The following GLI3 variants were observed in gnomAD, a reference collection of about 807,000 sequenced individuals.
GLI3 encodes the protein GLI family zinc finger 3, also known as transcription activator GLI3.
In GLI3, 20 loss-of-function variants were observed where a neutral mutation model predicts 100.8. The ratio of observed to expected loss-of-function variants is 0.20; its 90% CI spans 0.14 to 0.29. The LOEUF (loss-of-function observed/expected upper bound fraction) is 0.29. Among genes scored for constraint, GLI3 ranks in the 10% least tolerant of loss-of-function variants. The pLI, the probability that GLI3 is intolerant of heterozygous loss-of-function variation, is 1.00. For synonymous variants in GLI3, 938 were observed against 860.5 expected (o/e 1.09, Z -1.58); for missense variants, 2,040 against 2,128.5 (o/e 0.96, Z 0.82).
chr7:42,172,237 A>G (rs927403575), intron 2 of GLI3, among the ~76,000 whole-genome samples: 20 of 151,774 alleles, frequency 1.3e-4, no homozygotes, highest in Non-Finnish European at 1.5e-5. Flanking sequence ...TTCACTTGGG[A>G]ACATAAAACA....
intron 1 of GLI3, among the ~76,000 whole-genome samples, chr7:42,261,334 C>T (rs1229514628): frequency 1.3e-5 from 2 of 152,106 alleles, no homozygotes; most frequent in African/African-American, 2.4e-5. Context: ...ATGAGGGACC[C>T]ACCCCCATAG....
intron 3 of GLI3, chr7:42,113,706 C>T: frequency 1.4e-6 from 1 of 692,268 alleles, no homozygotes; most frequent in Non-Finnish European, 2.6e-6. Context: ...TATAAAAATG[C>T]AGAATTTTGT....
intron 3 of GLI3, among the ~76,000 whole-genome samples, chr7:42,088,734 T>C (rs1458192139): frequency 1.3e-5 from 2 of 152,204 alleles, no homozygotes; most frequent in Non-Finnish European, 2.9e-5. Context: ...GGGAGGATGA[T>C]AGGCTTGGGG....
intron 2 of GLI3, chr7:42,151,584 T>A (rs1583602057): frequency 6.6e-6 from 1 of 152,210 alleles, no homozygotes; most frequent in African/African-American, 2.4e-5. Flanking sequence ...TCCAAGAGCA[T>A]CTGCCAATGG....
rs117595143 is a variant in GLI3, at chr7:42,040,608, T to C, written c.827-369A>G. 7.2e-3 allele frequency among the ~76,000 whole-genome samples: 1,097 copies of C among 152,278 alleles called. 7 individuals are homozygous for C. The highest frequency in any genetic ancestry group is 0.012 in the Admixed American group (186 of 15,298). ...GCGACAAAGACAGTGGTTCCCACAA[T>C]GGCAACATACCACCCTCCCCACCCC... On this transcript the variant is annotated intron_variant, in intron 6 of 14. Transcript: ENST00000395925.
intron 10 of GLI3, among the ~76,000 whole-genome samples, chr7:41,980,494 T>C (rs1787631745): frequency 1.3e-5 from 2 of 152,104 alleles, no homozygotes; most frequent in South Asian, 4.1e-4. Flanking sequence ...AAAGAAATGA[T>C]CATACAAAAA....
chr7:42,246,848 C>T (rs1788981741), intron 1 of GLI3, among the ~76,000 whole-genome samples: 1 of 106,952 alleles, frequency 9.3e-6, no homozygotes, highest in Admixed American at 1.2e-4. Context: ...GGACGATATC[C>T]TTTCTGCTGG....
intron 2 of GLI3, among the ~76,000 whole-genome samples, chr7:42,175,652 A>G (rs1183819978): frequency 6.6e-6 from 1 of 151,796 alleles, no homozygotes; most frequent in Non-Finnish European, 1.5e-5. Flanking sequence ...AGTCTCTCTT[A>G]CAAAACTTTT....
chr7:42,256,458 A>C (rs1245330774), intron 1 of GLI3, among the ~76,000 whole-genome samples: 1 of 152,164 alleles, frequency 6.6e-6, no homozygotes, highest in Non-Finnish European at 1.5e-5. Context: ...TAATTTCTGC[A>C]TATGATGTGA....
At chr7:42,263,374 CTG>C (rs1266585643) in intron 1 of GLI3, among the ~76,000 whole-genome samples, 1 of 152,184 alleles carries the variant, frequency 6.6e-6, no homozygotes. Context: ...TTGAAAGACA[CTG>C]TGGGTCAATG....
chr7:42,100,573 A>C (rs1785438373), intron 3 of GLI3, among the ~76,000 whole-genome samples: 1 of 142,662 alleles, frequency 7.0e-6, no homozygotes, highest in South Asian at 2.1e-4. Flanking sequence ...CCGTCTCTAC[A>C]AACATAAAAA....
intron 3 of GLI3, among the ~76,000 whole-genome samples, chr7:42,091,032 G>A (rs761274562): frequency 1.3e-5 from 2 of 152,238 alleles, no homozygotes; most frequent in Non-Finnish European, 2.9e-5. Flanking sequence ...ACCCAGGCAT[G>A]GGGCCTGTGC....
Position 41,966,485 on chromosome 7 carries a change from C to T in GLI3, c.2588G>A (p.Arg863His), listed in dbSNP as rs1270096533. The change falls in exon 15 of 15, where the codon CGC becomes CAC. Residue 863 changes from arginine (R) to histidine (H), a missense_variant. By Grantham distance (29) the Arg-to-His change is conservative. This residue lies in a region of GLI3 where 327 missense variants were observed against 338.7 expected (regional missense o/e 0.97). Transcript: ENST00000395925. The surrounding 1 kb of genome is among the most constrained non-coding windows in gnomAD (Gnocchi z 5.8). ...TISSAYLSSR[R>H]SSGISPCFSS... is the part of the protein sequence containing the mutation. ...GAAGCAGGGCGAGATCCCTGAGGAG[C>T]GGCGGCTGCTCAGGTAGGCCGAGCT... 4 of 1,612,702 alleles carry T rather than the reference C, an allele frequency of 2.5e-6. No homozygotes were observed. Among genetic ancestry groups the T allele is most frequent in the Non-Finnish European group, 3.4e-6 (4 of 1,179,766 alleles).
Position 41,978,700 on chromosome 7 carries a change from T to C in GLI3, c.1546A>G (p.Arg516Gly). ...TGCTCTCTTGAGCAGTCCAGCCACC[T>C]GCACACGAACTCCTTCTTCTCTCCA... is the stretch of plus-strand genomic sequence containing the variant. ...IHGEKKEFVC[R>G]WLDCSREQKP... The change falls in exon 11 of 15, where the codon AGG (arginine) becomes GGG (glycine). Residue 516 changes from arginine to glycine, a missense_variant. Arg to Gly is a moderately radical substitution (Grantham distance 125). This residue lies in a region of GLI3 where 603 missense variants were observed against 690.9 expected (regional missense o/e 0.87). Transcript: ENST00000395925. The C allele has an allele frequency of 6.2e-7, 1 of 1,613,908 alleles. No individual in the cohort carries two copies. Among genetic ancestry groups the C allele is most frequent in the Non-Finnish European group, 8.5e-7 (1 of 1,179,732 alleles).
intron 1 of GLI3, among the ~76,000 whole-genome samples, chr7:42,231,682 TCTA>T (rs2128705791): frequency 6.6e-6 from 1 of 152,364 alleles, no homozygotes; most frequent in Non-Finnish European, 1.5e-5. Context: ...ATGAAATTTC[TCTA>T]CACACTGCTA....
chr7:42,118,471 G>A (rs1476789078), intron 3 of GLI3: 2 of 395,344 alleles, frequency 5.1e-6, no homozygotes, highest in East Asian at 7.2e-5. Flanking sequence ...AGCAACTAGA[G>A]ACCCCTAGCC....
At chr7:42,180,194 G>C (rs1466312224) in intron 2 of GLI3, among the ~76,000 whole-genome samples, 2 of 152,190 alleles carry the variant, frequency 1.3e-5, no homozygotes, top group African/African-American at 4.8e-5. Flanking sequence ...TGCAGAGACT[G>C]TGCCAGGTGG....
At chr7:42,218,985 T>G (rs1234329375) in intron 2 of GLI3, among the ~76,000 whole-genome samples, 1 of 152,150 alleles carries the variant, frequency 6.6e-6, no homozygotes, top group Non-Finnish European at 1.5e-5. Flanking sequence ...TATAAGAGAA[T>G]GAGAACATGT....
chr7:42,215,391 G>A (rs1439441512), intron 2 of GLI3, among the ~76,000 whole-genome samples: 4 of 152,132 alleles, frequency 2.6e-5, no homozygotes, highest in Non-Finnish European at 5.9e-5. Flanking sequence ...TCTCCCCAAA[G>A]CTGCCTGGAA....
Sources: gnomAD v4.1 joint callset for allele counts (sites outside exome capture counted in the v4.1 genomes callset) on GRCh38, gnomAD v4.1.1 for gene constraint, gnomAD v4.1.1 regional missense constraint, Gnocchi (gnomAD v3.1) non-coding constraint, MANE v1.5 for transcripts, NCBI Gene and HGNC (gene_info 2026-07-23, HGNC 2026-07-21) for gene names.